The following ASTN1 variants were observed in gnomAD, a reference collection of about 807,000 sequenced individuals.
The protein encoded by ASTN1 is astrotactin-1.
Under a neutral mutation model 140.7 loss-of-function variants are expected in ASTN1, and 41 were observed. The ratio of observed to expected loss-of-function variants is 0.29; its 90% confidence interval spans 0.23 to 0.38. The LOEUF (loss-of-function observed/expected upper bound fraction) is 0.38, where lower values mean the gene tolerates loss of function less well. Among genes scored for constraint, ASTN1 ranks in the 10% least tolerant of loss-of-function variants. The pLI, the probability that ASTN1 is intolerant of heterozygous loss-of-function variation, is 1.00. For missense variants in ASTN1, 1,479 were observed against 1,678.8 expected (o/e 0.88, Z 2.08); for synonymous variants, 640 against 652.2 (o/e 0.98, Z 0.29).
intron 11 of ASTN1, among the ~76,000 whole-genome samples, chr1:176,950,619 C>T (rs2103118303): frequency 6.6e-6 from 1 of 152,026 alleles, no homozygotes; most frequent in East Asian, 2.0e-4. Flanking sequence ...CCCCATCCTG[C>T]ACCTTCTGCT....
At chr1:176,956,660 C>A (rs1489859342) in intron 11 of ASTN1, among the ~76,000 whole-genome samples, 1 of 152,174 alleles carries the variant, frequency 6.6e-6, no homozygotes, top group East Asian at 1.9e-4. Flanking sequence ...CTCCCTGCCT[C>A]CCCTGACCCA....
intron 1 of ASTN1, among the ~76,000 whole-genome samples, chr1:177,076,992 T>A (rs921657908): frequency 1.3e-5 from 2 of 152,218 alleles, no homozygotes; most frequent in Non-Finnish European, 2.9e-5. Flanking sequence ...TCGCCCAATC[T>A]CAATTGCTTC....
At chr1:177,089,328 C>T (rs891730248) in intron 1 of ASTN1, among the ~76,000 whole-genome samples, 1 of 152,062 alleles carries the variant, frequency 6.6e-6, no homozygotes, top group Non-Finnish European at 1.5e-5. Flanking sequence ...TTTGAACTTT[C>T]TAATAACAAA....
In ASTN1 at chr1:176,888,326, G is replaced by C. The variant is rs576119324; in HGVS notation, c.2941-122C>G. ...ATTACTTCCAGCAGCAGGTTGTGTC[G>C]CCACTTTATCATTGTCTCAAATTCT... On this transcript the variant is annotated intron_variant, in intron 17 of 22. Coordinates refer to ENST00000361833, the MANE Select transcript of ASTN1 (RefSeq NM_004319.3). 9.4e-6 allele frequency: 11 copies of C among 1,164,070 alleles called. No individual in the cohort carries two copies. In the South Asian group the frequency reaches 1.3e-4, roughly 14 times the overall value. The allele number at this position is 1,164,070 out of a possible 1,614,324, so 72.1% of individuals were successfully genotyped here. A position where few individuals can be genotyped will look rare whatever the true frequency, so the allele number is the denominator to read the frequency against.
intron 20 of ASTN1, among the ~76,000 whole-genome samples, chr1:176,879,519 C>G (rs1668702170): frequency 6.6e-6 from 1 of 152,210 alleles, no homozygotes; most frequent in African/African-American, 2.4e-5. Context: ...GAGAAACATC[C>G]TACTTCGTTG....
chr1:177,144,316 G>C (rs1682616371), intron 1 of ASTN1, among the ~76,000 whole-genome samples: 1 of 150,584 alleles, frequency 6.6e-6, no homozygotes, highest in African/African-American at 2.4e-5. Context: ...GCAGTGGCGC[G>C]ATCTCGGCTC....
intron 8 of ASTN1, among the ~76,000 whole-genome samples, chr1:176,967,285 C>A (rs1672930086): frequency 6.6e-6 from 1 of 152,056 alleles, no homozygotes; most frequent in African/African-American, 2.4e-5. Context: ...GGTGAACCCA[C>A]AGAGTAGGGT....
chr1:177,042,092 G>GGAA lies in ASTN1; in HGVS notation c.472-9246_472-9244dup, dbSNP rs1226906718. ...TCATCAGTATCACTATCTGAACCAG[G>GGAA]GAAGACCCTGAAGATCCATTTCCTC... On this transcript the variant is annotated intron_variant, in intron 2 of 22. Transcript: ENST00000361833. Among the ~76,000 whole-genome samples, 4 of 152,302 alleles carry GGAA rather than the reference G, an allele frequency of 2.6e-5. No individual in the cohort carries two copies. In the East Asian group the frequency reaches 7.7e-4, roughly 29 times the overall value.
At chr1:177,056,170 GT>G (rs2102023097) in intron 2 of ASTN1, among the ~76,000 whole-genome samples, 1 of 152,302 alleles carries the variant, frequency 6.6e-6, no homozygotes, top group East Asian at 1.9e-4. Context: ...GCTCCCATAG[GT>G]GTCTTCTGTG....
chr1:176,903,262 C>G (rs1669844071), intron 16 of ASTN1, among the ~76,000 whole-genome samples: 1 of 151,954 alleles, frequency 6.6e-6, no homozygotes, highest in African/African-American at 2.4e-5. Context: ...TTTGCACACC[C>G]TATAAAGTGT....
chr1:177,023,369 C>A (rs1370220298), intron 7 of ASTN1, 35 bp downstream of exon 7: 2 of 1,550,686 alleles, frequency 1.3e-6, no homozygotes, highest in Non-Finnish European at 1.7e-6. Flanking sequence ...CATGATCTCT[C>A]TGACAGTTAC....
Position 176,863,477 on chromosome 1 carries a change from C to T in ASTN1, c.*807G>A, listed in dbSNP as rs6425398. The T allele has an allele frequency of 0.84, 825,033 of 985,478 alleles. 346,114 individuals are homozygous for T. Among genetic ancestry groups the T allele is most frequent in the African/African-American group, 0.97 (55,724 of 57,330 alleles). 61.0% of individuals were successfully genotyped at this position (985,478 alleles called of 1,614,324 possible). A position where few individuals can be genotyped will look rare whatever the true frequency, so the allele number is the denominator to read the frequency against. On this transcript the variant is annotated 3_prime_UTR_variant, in exon 23 of 23. Transcript: ENST00000361833. Reference sequence around the variant, plus strand: ...TTAAAAAACAATAAACTCCAAGTCTCCTCTTGAATGTGGACTGCTAACTAG... The same window carrying T: ...TTAAAAAACAATAAACTCCAAGTCTTCTCTTGAATGTGGACTGCTAACTAG...
intron 1 of ASTN1, among the ~76,000 whole-genome samples, chr1:177,135,265 T>C (rs1316136365): frequency 1.3e-5 from 2 of 151,986 alleles, no homozygotes; most frequent in Non-Finnish European, 2.9e-5. Flanking sequence ...TCCTAGTTAA[T>C]TCATATGTTG....
chr1:177,038,374 T>A (rs1333650209), intron 2 of ASTN1, among the ~76,000 whole-genome samples: 2 of 152,182 alleles, frequency 1.3e-5, no homozygotes, highest in Non-Finnish European at 2.9e-5. Context: ...CTAATCTATC[T>A]CTTTTATAGC....
At chr1:177,157,830 T>C (rs1276842500) in intron 1 of ASTN1, among the ~76,000 whole-genome samples, 1 of 152,192 alleles carries the variant, frequency 6.6e-6, no homozygotes, top group Non-Finnish European at 1.5e-5. Context: ...CAATATGTTA[T>C]TTTGAATTTA....
intron 1 of ASTN1, among the ~76,000 whole-genome samples, chr1:177,133,659 T>C (rs1401019975): frequency 1.3e-5 from 2 of 152,220 alleles, no homozygotes; most frequent in Non-Finnish European, 2.9e-5. Context: ...GACCTTCTAT[T>C]ATGCATCTAG....
At position 176,864,256 on chromosome 1, in the gene ASTN1, C is replaced by G. The variant is rs745410803; in HGVS notation, c.*28G>C. On this transcript the variant is annotated 3_prime_UTR_variant, in exon 23 of 23. Coordinates refer to ENST00000361833, the MANE Select transcript of ASTN1 (RefSeq NM_004319.3). ...GATCCCTCCTCTTTCCTACTTCATT[C>G]TGGCAGCAGCTCCCTGGCCTTATGG... 5 of 1,606,350 alleles carry G rather than the reference C, an allele frequency of 3.1e-6. No individual in the cohort carries two copies. In the African/African-American group the frequency reaches 6.7e-5, roughly 21 times the overall value.
chr1:177,164,621 A>G lies in ASTN1; in HGVS notation c.56T>C (p.Val19Ala). ...CACGTCGCCGGCGGCCGTGGCCAGCACCGCCGCCGGCCCCCAGCAGCAGGC... is the reference window on the plus strand; with the variant it reads ...CACGTCGCCGGCGGCCGTGGCCAGCGCCGCCGCCGGCCCCCAGCAGCAGGC... ...LLACCWGPAA[V>A]LATAAGDVDP... The change falls in exon 1 of 23, where the codon GTG becomes GCG. Residue 19 changes from valine to alanine, a missense_variant. Val to Ala is a moderately conservative substitution (Grantham distance 64). Transcript: ENST00000361833. 5 of 1,608,264 alleles carry G rather than the reference A, an allele frequency of 3.1e-6. No individual in the cohort carries two copies. The highest frequency in any genetic ancestry group is 1.3e-5 in the African/African-American group (1 of 74,832).
At chr1:176,887,112 C>A (rs1356056669) in intron 18 of ASTN1, among the ~76,000 whole-genome samples, 1 of 152,210 alleles carries the variant, frequency 6.6e-6, no homozygotes, top group Non-Finnish European at 1.5e-5. Flanking sequence ...TCATCCCCAG[C>A]CCTCTGCTCT....
Sources: allele counts gnomAD v4.1 joint callset (sites outside exome capture counted in the v4.1 genomes callset), GRCh38; gene constraint gnomAD v4.1.1; transcripts MANE v1.5; gene names NCBI Gene and HGNC (gene_info 2026-07-23, HGNC 2026-07-21).